FARS2: variants seen among roughly 807,000 people sequenced by gnomAD.
FARS2 encodes phenylalanine--tRNA ligase, mitochondrial.
FARS2 carries 40 observed loss-of-function variants against 46.4 expected under a neutral mutation model. The ratio of observed to expected loss-of-function variants is 0.86; its 90% confidence interval spans 0.67 to 1.12. The LOEUF is 1.12. Among genes scored for constraint, FARS2 ranks in the 50% most tolerant of loss-of-function variants. The pLI is 0.00. For missense variants in FARS2, 513 were observed against 567.9 expected (o/e 0.90, Z 0.98); for synonymous variants, 234 against 214.9 (o/e 1.09, Z -0.78).
intron 1 of FARS2, among the ~76,000 whole-genome samples, chr6:5,365,691 C>T (rs1214405292): frequency 6.6e-6 from 1 of 151,912 alleles, no homozygotes; most frequent in East Asian, 1.9e-4. Context: ...ATTACCCTCC[C>T]TCAGTCAGTT....
intron 1 of FARS2, among the ~76,000 whole-genome samples, chr6:5,323,588 T>G (rs1441532750): frequency 1.3e-5 from 2 of 152,212 alleles, no homozygotes; most frequent in African/African-American, 4.8e-5. Context: ...GTAAAGGAGC[T>G]GCCATCCAGA....
chr6:5,504,437 T>TAAAAA (rs143444280), intron 4 of FARS2, among the ~76,000 whole-genome samples: 9 of 126,474 alleles, frequency 7.1e-5, no homozygotes, highest in African/African-American at 8.9e-5. Context: ...TGCTTTCCAG[T>TAAAAA]AAAAAAAAAA....
At chr6:5,557,165 G>A (rs1213320358) in intron 5 of FARS2, among the ~76,000 whole-genome samples, 1 of 152,008 alleles carries the variant, frequency 6.6e-6, no homozygotes, top group Non-Finnish European at 1.5e-5. Flanking sequence ...TTTTTCCTGA[G>A]TGTGAATATG....
chr6:5,645,930 A>G (rs1412048609), intron 6 of FARS2, among the ~76,000 whole-genome samples: 1 of 152,168 alleles, frequency 6.6e-6, no homozygotes, highest in Non-Finnish European at 1.5e-5. Flanking sequence ...CCCTTCAAAG[A>G]GTGAGGCATT....
chr6:5,682,340 A>T (rs1449633545), intron 6 of FARS2, among the ~76,000 whole-genome samples: 2 of 152,250 alleles, frequency 1.3e-5, no homozygotes, highest in Non-Finnish European at 2.9e-5. Context: ...GAAATTTTTT[A>T]AATTCGGCAA....
At chr6:5,417,450 C>G (rs1166254923) in intron 3 of FARS2, among the ~76,000 whole-genome samples, 3 of 152,142 alleles carry the variant, frequency 2.0e-5, no homozygotes, top group Non-Finnish European at 4.4e-5. Context: ...TGGTCTTGAA[C>G]TCCTGGCCTC....
intron 1 of FARS2, among the ~76,000 whole-genome samples, chr6:5,298,241 C>A (rs1768035433): frequency 6.6e-6 from 1 of 152,214 alleles, no homozygotes; most frequent in African/African-American, 2.4e-5. Context: ...TCTGTCTCCA[C>A]TGCTTCTTGT....
At position 5,368,626 on chromosome 6, in the gene FARS2, A is replaced by AG; in HGVS notation, c.58dup (p.Ala20GlyfsTer108). 1 of 1,614,108 alleles carries AG rather than the reference A, an allele frequency of 6.2e-7. No individual in the cohort carries two copies. Among genetic ancestry groups the AG allele is most frequent in the Non-Finnish European group, 8.5e-7 (1 of 1,179,988 alleles). On this transcript the variant is annotated frameshift_variant, in exon 2 of 7. Transcript: ENST00000274680. LOFTEE classifies it high-confidence loss of function. Reference sequence around the variant, plus strand: ...CATGCATATGTCTACCTGGTGAGTAAGGCCAGTCACATCTCCAGAGGCCAT... The same window carrying AG: ...CATGCATATGTCTACCTGGTGAGTAAGGGCCAGTCACATCTCCAGAGGCCAT...
intron 4 of FARS2, among the ~76,000 whole-genome samples, chr6:5,532,272 A>G (rs1006789720): frequency 6.6e-6 from 1 of 152,242 alleles, no homozygotes; most frequent in Non-Finnish European, 1.5e-5. Context: ...CTAGGGGAAC[A>G]TCTACTGGGT....
intron 5 of FARS2, among the ~76,000 whole-genome samples, chr6:5,584,377 A>G (rs1358372962): frequency 6.6e-6 from 1 of 152,058 alleles, no homozygotes; most frequent in Admixed American, 6.6e-5. Flanking sequence ...CCAGCACCCC[A>G]CCATCAGAAC....
intron 6 of FARS2, among the ~76,000 whole-genome samples, chr6:5,616,404 C>G (rs2150682924): frequency 6.6e-6 from 1 of 152,306 alleles, no homozygotes; most frequent in Non-Finnish European, 1.5e-5. Flanking sequence ...ATGCCAAAGG[C>G]ATGTGACTTG....
chr6:5,360,112 C>T (rs1033844831), intron 1 of FARS2, among the ~76,000 whole-genome samples: 1 of 152,116 alleles, frequency 6.6e-6, no homozygotes, highest in Non-Finnish European at 1.5e-5. Context: ...GAGATGCTCT[C>T]GGTACAACTG....
intron 6 of FARS2, among the ~76,000 whole-genome samples, chr6:5,664,044 C>T (rs533110963): frequency 1.3e-5 from 2 of 152,336 alleles, no homozygotes; most frequent in South Asian, 4.1e-4. Context: ...GAACAGTATC[C>T]CACTGTTAGC....
At chr6:5,310,764 G>A (rs575056380) in intron 1 of FARS2, among the ~76,000 whole-genome samples, 1 of 152,278 alleles carries the variant, frequency 6.6e-6, no homozygotes, top group South Asian at 2.1e-4. Context: ...CTACCAAAAC[G>A]TAAGGTCCAT....
upstream of FARS2, among the ~76,000 whole-genome samples, chr6:5,260,340 T>A: frequency 6.7e-6 from 1 of 149,886 alleles, no homozygotes; most frequent in East Asian, 1.9e-4. Context: ...TTTCCATCCC[T>A]TTTTTCTCTT....
intron 5 of FARS2, among the ~76,000 whole-genome samples, chr6:5,555,678 A>G (rs907617932): frequency 6.6e-6 from 1 of 152,156 alleles, no homozygotes; most frequent in Non-Finnish European, 1.5e-5. Flanking sequence ...AGTGAAATTC[A>G]TGGATCTCAA....
intron 6 of FARS2, among the ~76,000 whole-genome samples, chr6:5,754,006 A>G (rs1762082489): frequency 6.6e-6 from 1 of 152,236 alleles, no homozygotes; most frequent in African/African-American, 2.4e-5. Flanking sequence ...CCAGGGACAC[A>G]TAACTTTTTA....
chr6:5,300,266 A>G (rs1768202686), intron 1 of FARS2, among the ~76,000 whole-genome samples: 1 of 152,166 alleles, frequency 6.6e-6, no homozygotes, highest in Admixed American at 6.5e-5. Flanking sequence ...GAACAGAGAC[A>G]TATGTGTCTC....
At chr6:5,252,231 G>A in the FARS2 span, among the ~76,000 whole-genome samples, 1 of 152,164 alleles carries the variant, frequency 6.6e-6, no homozygotes, top group Non-Finnish European at 1.5e-5. Flanking sequence ...ATGCATGGGT[G>A]CAGGAATTTT....
Sources: allele counts gnomAD v4.1 joint callset (sites outside exome capture counted in the v4.1 genomes callset), GRCh38; gene constraint gnomAD v4.1.1; transcripts MANE v1.5; gene names NCBI Gene and HGNC (gene_info 2026-07-23, HGNC 2026-07-21).